The following WAPL variants were observed in gnomAD, a reference collection of about 807,000 sequenced individuals.
WAPL encodes the protein WAPL cohesin release factor, also known as wings apart-like protein homolog.
In WAPL, 5 loss-of-function variants were observed where a neutral mutation model predicts 121.0. That is an observed-to-expected ratio of 0.04 (90% CI 0.02 to 0.09). The LOEUF (loss-of-function observed/expected upper bound fraction) is 0.09, where lower values mean the gene tolerates loss of function less well. Ranked by LOEUF, WAPL falls within the 10% of genes least tolerant of loss-of-function variation. The pLI is 1.00. For synonymous variants in WAPL, 480 were observed against 481.5 expected, an observed-to-expected ratio of 1.00 and a Z score of 0.04; for missense variants, 999 against 1,410.8, an observed-to-expected ratio of 0.71 and a Z score of 4.68.
rs1265109627 is a variant in WAPL, at chr10:86,453,298, G to A, written c.2871C>T (p.Leu957=). ...GCACACAGTTCAGCGCTGTGCCTAT[G>A]AGACCGTCCTGCTCTCCTGTTTTGG... is the stretch of plus-strand genomic sequence containing the variant. ...GSTKTGEQDG[L]IGTALNCVLQ... is the part of the protein sequence containing the mutation. Residue 957 remains leucine, a synonymous_variant, in exon 14 of 19, where the codon CTC becomes CTT. Transcript: ENST00000298767. 2 of 1,614,006 alleles carry A rather than the reference G, an allele frequency of 1.2e-6. No individual in the cohort carries two copies. Among genetic ancestry groups the A allele is most frequent in the Non-Finnish European group, 1.7e-6 (2 of 1,180,028 alleles).
intron 12 of WAPL, among the ~76,000 whole-genome samples, chr10:86,455,463 A>C (rs2132176654): frequency 6.6e-6 from 1 of 152,208 alleles, no homozygotes; most frequent in East Asian, 1.9e-4. Context: ...GTGCTTTGTT[A>C]AACAGATGCT....
At chr10:86,478,738 G>C (rs1841717420) in intron 4 of WAPL, among the ~76,000 whole-genome samples, 1 of 152,112 alleles carries the variant, frequency 6.6e-6, no homozygotes, top group African/African-American at 2.4e-5. Context: ...ATAAAAGTTG[G>C]TTTTTACAAT....
chr10:86,499,449 G>T (rs1026789791), intron 3 of WAPL, among the ~76,000 whole-genome samples: 1 of 152,106 alleles, frequency 6.6e-6, no homozygotes, highest in Non-Finnish European at 1.5e-5. Context: ...ACCAAAACCT[G>T]TATATACTAT....
At chr10:86,447,364 G>A (rs963807848) in intron 15 of WAPL, among the ~76,000 whole-genome samples, 5 of 152,250 alleles carry the variant, frequency 3.3e-5, no homozygotes, top group Admixed American at 6.5e-5. Context: ...GAAGAACTGA[G>A]TTGTTGGGGG....
chr10:86,450,313 A>G (rs1035425806), intron 15 of WAPL, among the ~76,000 whole-genome samples: 3 of 152,152 alleles, frequency 2.0e-5, no homozygotes, highest in Admixed American at 6.5e-5. Flanking sequence ...ACGGCTCACG[A>G]CAACTTCAAA....
At chr10:86,439,960 G>A (rs1849420704) in intron 17 of WAPL, among the ~76,000 whole-genome samples, 1 of 152,192 alleles carries the variant, frequency 6.6e-6, no homozygotes, top group Non-Finnish European at 1.5e-5. Flanking sequence ...TTACACATTA[G>A]GTAAACCAAA....
chr10:86,520,160 T>C (rs1212502677), intron 1 of WAPL, among the ~76,000 whole-genome samples: 1 of 152,066 alleles, frequency 6.6e-6, no homozygotes, highest in East Asian at 1.9e-4. Context: ...CCGGGCGTGG[T>C]GGCGCATGCC....
rs118132834 is a variant in WAPL, at chr10:86,518,639, T to C, written c.-22-548A>G. ...AGAAGAACCGCTTGAACTCAGGAGATGGAGGTTGCAGTGATATAATGATAA... is the reference window on the plus strand; with the variant it reads ...AGAAGAACCGCTTGAACTCAGGAGACGGAGGTTGCAGTGATATAATGATAA... On this transcript the variant is annotated intron_variant, in intron 1 of 18. Coordinates refer to ENST00000298767, the MANE Select transcript of WAPL (RefSeq NM_015045.5). Among the ~76,000 whole-genome samples, 1,097 of 152,288 alleles carry C rather than the reference T, an allele frequency of 7.2e-3. 77 individuals carry two copies. In the East Asian group the frequency reaches 0.17, roughly 24 times the overall value.
At chr10:86,483,671 G>A (rs2132205317) in intron 4 of WAPL, among the ~76,000 whole-genome samples, 1 of 148,366 alleles carries the variant, frequency 6.7e-6, no homozygotes, top group South Asian at 2.1e-4. Flanking sequence ...TAGTGCCCTT[G>A]AAGAACTTCC....
At chr10:86,500,813 T>C in intron 2 of WAPL, 70 bp from the exon 3 acceptor site, 1 of 1,249,720 alleles carries the variant, frequency 8.0e-7, no homozygotes, top group Non-Finnish European at 1.1e-6. Flanking sequence ...AACATATATG[T>C]GGTTAATCAA....
At chr10:86,478,944 A>T (rs938433330) in intron 4 of WAPL, among the ~76,000 whole-genome samples, 4 of 151,986 alleles carry the variant, frequency 2.6e-5, no homozygotes, top group African/African-American at 9.7e-5. Context: ...AAAATACAAA[A>T]AAATTAGCCG....
intron 15 of WAPL, among the ~76,000 whole-genome samples, chr10:86,448,458 GTATAAATCAAAAAGCTAC>G (rs1840891684): frequency 6.6e-6 from 1 of 152,102 alleles, no homozygotes; most frequent in African/African-American, 2.4e-5. Flanking sequence ...ATGTATGTAT[GTATAAATCAAAAAGCTAC>G]TAGTTTGCAG....
At chr10:86,492,773 C>G (rs1316972808) in intron 4 of WAPL, among the ~76,000 whole-genome samples, 6 of 152,066 alleles carry the variant, frequency 3.9e-5, no homozygotes, top group Non-Finnish European at 8.8e-5. Context: ...ACCATCAGGG[C>G]CATCCGGGCG....
chr10:86,467,650 G>A lies in WAPL; in HGVS notation c.2143-144C>T, dbSNP rs116734573. 1,203 of 575,940 alleles carry A rather than the reference G, an allele frequency of 2.1e-3. 14 individuals are homozygous for A. The highest frequency in any genetic ancestry group is 0.02 in the African/African-American group (1,003 of 51,352). The allele number at this position is 575,940 out of a possible 1,614,324, so 35.7% of individuals were successfully genotyped here. ...TAACCATGTTGGAAACTTCAAAAAC[G>A]TTTTATTCAGCGGTCCCTCTAAAAA... On this transcript the variant is annotated intron_variant, in intron 8 of 18. Coordinates refer to ENST00000298767, the MANE Select transcript of WAPL (RefSeq NM_015045.5).
chr10:86,472,790 T>C lies in WAPL; in HGVS notation c.1741-26A>G. On this transcript the variant is annotated intron_variant, in intron 5 of 18. Transcript: ENST00000298767. This position sits in a 1 kb window ranked among gnomAD's most constrained non-coding sequence, Gnocchi z 4.2. ...CTATTAATAAAGGTATTAAATTAGT[T>C]GTTCTAAATAAATATATAAAAATAG... 6.4e-7 allele frequency: 1 copy of C among 1,559,458 alleles called. No homozygotes were observed. Among genetic ancestry groups the C allele is most frequent in the Non-Finnish European group, 8.7e-7 (1 of 1,155,458 alleles).
intron 4 of WAPL, among the ~76,000 whole-genome samples, chr10:86,488,977 G>T (rs1297394723): frequency 6.6e-6 from 1 of 152,222 alleles, no homozygotes; most frequent in African/African-American, 2.4e-5. Context: ...GTTAACATCA[G>T]TAGTAATGGT....
At chr10:86,456,404 CAAA>C (rs200771344) in intron 12 of WAPL, among the ~76,000 whole-genome samples, 3 of 117,722 alleles carry the variant, frequency 2.5e-5, no homozygotes. Context: ...TTTATGATAC[CAAA>C]AAAAAAAAAA....
At chr10:86,477,941 G>C (rs1040686111) in intron 4 of WAPL, among the ~76,000 whole-genome samples, 1 of 151,816 alleles carries the variant, frequency 6.6e-6, no homozygotes, top group Admixed American at 6.6e-5. Flanking sequence ...TGTAATCCCC[G>C]CTACTCAGGA....
intron 1 of WAPL, 31 bp from the exon 2 acceptor site, chr10:86,518,122 T>G: frequency 1.9e-6 from 3 of 1,580,322 alleles, no homozygotes; most frequent in Non-Finnish European, 1.7e-6. Flanking sequence ...AAACATATAA[T>G]CATCAAATAC....
Sources: allele counts gnomAD v4.1 joint callset (sites outside exome capture counted in the v4.1 genomes callset), GRCh38; gene constraint gnomAD v4.1.1; non-coding constraint Gnocchi (gnomAD v3.1); transcripts MANE v1.5; gene names NCBI Gene and HGNC (gene_info 2026-07-23, HGNC 2026-07-21).